The following SETD5 variants were observed in gnomAD, a reference collection of about 807,000 sequenced individuals.
The protein encoded by SETD5 is histone-lysine N-methyltransferase SETD5.
A neutral mutation model predicts 153.3 loss-of-function variants in SETD5; 44 were observed. The observed-to-expected ratio is 0.29, with a 90% CI of 0.23 to 0.37. The LOEUF (loss-of-function observed/expected upper bound fraction) is 0.37. SETD5 is among the 10% of genes least tolerant of loss of function. SETD5 has a pLI of 1.00. For missense variants in SETD5, 1,544 were observed against 1,768.0 expected (o/e 0.87, Z 2.27); for synonymous variants, 716 against 645.2 (o/e 1.11, Z -1.66).
rs563063486 is a variant in SETD5, at chr3:9,397,779, C to G, written c.-375C>G. 1 of 156,012 alleles carries G rather than the reference C, an allele frequency of 6.4e-6. No homozygotes were observed. Among genetic ancestry groups the G allele is most frequent in the African/African-American group, 2.4e-5 (1 of 41,140 alleles). 9.7% of individuals were successfully genotyped at this position (156,012 alleles called of 1,614,324 possible). A position where few individuals can be genotyped will look rare whatever the true frequency, so the allele number is the denominator to read the frequency against. On this transcript the variant is annotated 5_prime_UTR_variant, in exon 1 of 23. Coordinates refer to ENST00000402198, the MANE Select transcript of SETD5 (RefSeq NM_001080517.3). ...CGCCAACACAGTAGTGCCGGCCCCC[C>G]TCTTTCCCTGGCCCTGCCCCCCCTC...
chr3:9,434,558 C>A lies in SETD5; in HGVS notation c.329+73C>A. 1.3e-6 allele frequency: 2 copies of A among 1,595,350 alleles called. No homozygotes were observed. The highest frequency in any genetic ancestry group is 1.8e-5 in the Admixed American group (1 of 57,052). On this transcript the variant is annotated intron_variant, in intron 5 of 22. Coordinates refer to ENST00000402198, the MANE Select transcript of SETD5 (RefSeq NM_001080517.3). The surrounding 1 kb of genome is among the most constrained non-coding windows in gnomAD (Gnocchi z 5.6). The stretch of plus-strand genomic sequence containing the variant: ...GGTTTCTTACAAGTAGGGAAAAGCT[C>A]AAAGTATTCTTTCTTGTGTTTGTTA...
intron 1 of SETD5, among the ~76,000 whole-genome samples, chr3:9,400,256 T>C (rs912022566): frequency 6.6e-6 from 1 of 152,244 alleles, no homozygotes; most frequent in South Asian, 2.1e-4. Flanking sequence ...TTTTGGCAGA[T>C]TTTTGTTTTT....
chr3:9,452,496 T>C (rs563758241), intron 16 of SETD5, among the ~76,000 whole-genome samples: 8 of 152,282 alleles, frequency 5.3e-5, no homozygotes, highest in African/African-American at 1.9e-4. Flanking sequence ...TTGTGTTTGC[T>C]TTTCAGAGAC....
rs145793669 is a variant in SETD5 at position 9,451,566 on chromosome 3, A to G, written c.2347-2173A>G. Among the ~76,000 whole-genome samples, 283 of 152,016 alleles carry G rather than the reference A, an allele frequency of 1.9e-3. 5 individuals are homozygous for G. The highest frequency in any genetic ancestry group is 6.2e-3 in the African/African-American group (258 of 41,468). Reference sequence around the variant, plus strand: ...GGGCTCAAATGGTCCTCCTACCTCAACCTCTCGTGTAGCTGGGACCACAGG... The same window carrying G: ...GGGCTCAAATGGTCCTCCTACCTCAGCCTCTCGTGTAGCTGGGACCACAGG... On this transcript the variant is annotated intron_variant, in intron 16 of 22. Transcript: ENST00000402198.
At chr3:9,417,674 A>T (rs1355355807) in intron 1 of SETD5, among the ~76,000 whole-genome samples, 1 of 151,704 alleles carries the variant, frequency 6.6e-6, no homozygotes, top group Non-Finnish European at 1.5e-5. Flanking sequence ...TTTAGTAGAG[A>T]CGGGGTTTCA....
chr3:9,434,157 C>T lies in SETD5; in HGVS notation c.178-177C>T. 6.5e-7 allele frequency: 1 copy of T among 1,548,486 alleles called. No individual in the cohort carries two copies. Among genetic ancestry groups the T allele is most frequent in the Non-Finnish European group, 8.7e-7 (1 of 1,147,006 alleles). On this transcript the variant is annotated intron_variant, in intron 4 of 22. Transcript: ENST00000402198. The surrounding 1 kb of genome is among the most constrained non-coding windows in gnomAD (Gnocchi z 5.6). ...CCTTGGCATTTTGTTTTATCACTTT[C>T]CTGGTTGAAGCCAAAAAACAAAGGG...
intron 7 of SETD5, among the ~76,000 whole-genome samples, chr3:9,440,085 C>A (rs1327845128): frequency 6.6e-6 from 1 of 152,220 alleles, no homozygotes; most frequent in African/African-American, 2.4e-5. Context: ...GAGGTCTCTA[C>A]TGTTCATTTG....
chr3:9,467,199 C>CAAAAAA lies in SETD5; in HGVS notation c.2724+2547_2724+2552dup, dbSNP rs35894304. On this transcript the variant is annotated intron_variant, in intron 18 of 22. Coordinates refer to ENST00000402198, the MANE Select transcript of SETD5 (RefSeq NM_001080517.3). Reference sequence around the variant, plus strand: ...TGGGCAACAGAGGGAGACTCTCTCTCAAAAAAAAAAAAAAAAAAAAAAAAA... The same window carrying CAAAAAA: ...TGGGCAACAGAGGGAGACTCTCTCTCAAAAAAAAAAAAAAAAAAAAAAAAAAAAAAA... Among the ~76,000 whole-genome samples, 111 of 40,850 alleles carry CAAAAAA rather than the reference C, an allele frequency of 2.7e-3. 6 individuals carry two copies. Among genetic ancestry groups the CAAAAAA allele is most frequent in the Middle Eastern group, 0.023 (1 of 44 alleles). 26.8% of individuals were successfully genotyped at this position (40,850 alleles called of 152,430 possible).
chr3:9,434,400 C>T lies in SETD5; in HGVS notation c.244C>T (p.Pro82Ser), dbSNP rs779386091. 1.2e-6 allele frequency: 2 copies of T among 1,613,964 alleles called. No individual in the cohort carries two copies. Among genetic ancestry groups the T allele is most frequent in the Non-Finnish European group, 1.7e-6 (2 of 1,179,882 alleles). ...SPVEERCGDSPNSEGETVPTW... is the reference protein window; with the variant it reads ...SPVEERCGDSSNSEGETVPTW... Reference sequence around the variant, plus strand: ...TGTAGAGGAACGCTGTGGAGACAGCCCGAACTCTGAAGGAGAAACTGTACC... The same window carrying T: ...TGTAGAGGAACGCTGTGGAGACAGCTCGAACTCTGAAGGAGAAACTGTACC... Residue 82 changes from proline (P) to serine (S), a missense_variant, in exon 5 of 23, where the codon CCG (proline) becomes TCG (serine). Physicochemically the swap from Pro to Ser is moderately conservative, Grantham distance 74 (BLOSUM62 -1). Transcript: ENST00000402198. This position sits in a 1 kb window ranked among gnomAD's most constrained non-coding sequence, Gnocchi z 5.6.
intron 13 of SETD5, among the ~76,000 whole-genome samples, chr3:9,446,641 C>T (rs934380745): frequency 2.0e-5 from 3 of 151,920 alleles, no homozygotes; most frequent in Non-Finnish European, 4.4e-5. Flanking sequence ...TACAAGCATG[C>T]GCCACCATGC....
At position 9,434,199 on chromosome 3, in the gene SETD5, C is replaced by A. The variant is rs1354549902; in HGVS notation, c.178-135C>A. On this transcript the variant is annotated intron_variant, in intron 4 of 22. Coordinates refer to ENST00000402198, the MANE Select transcript of SETD5 (RefSeq NM_001080517.3). This position sits in a 1 kb window ranked among gnomAD's most constrained non-coding sequence, Gnocchi z 5.6. ...AACAAAGGGTACTACTTTCTTCTTTCTTTCCATATGTACCATACTTTAGGG... is the reference window on the plus strand; with the variant it reads ...AACAAAGGGTACTACTTTCTTCTTTATTTCCATATGTACCATACTTTAGGG... The A allele has an allele frequency of 6.5e-7, 1 of 1,549,956 alleles. No homozygotes were observed. Among genetic ancestry groups the A allele is most frequent in the Non-Finnish European group, 8.7e-7 (1 of 1,143,284 alleles).
intron 18 of SETD5, among the ~76,000 whole-genome samples, chr3:9,470,190 A>T (rs1219953579): frequency 6.6e-6 from 1 of 152,222 alleles, no homozygotes; most frequent in Non-Finnish European, 1.5e-5. Flanking sequence ...AAATAGTCAC[A>T]TTTAGCCAAT....
In SETD5 at chr3:9,434,563, T is replaced by G; in HGVS notation, c.329+78T>G. ...CTTACAAGTAGGGAAAAGCTCAAAGTATTCTTTCTTGTGTTTGTTAATGTA... is the reference window on the plus strand; with the variant it reads ...CTTACAAGTAGGGAAAAGCTCAAAGGATTCTTTCTTGTGTTTGTTAATGTA... On this transcript the variant is annotated intron_variant, in intron 5 of 22. Transcript: ENST00000402198. This position sits in a 1 kb window ranked among gnomAD's most constrained non-coding sequence, Gnocchi z 5.6. 7.6e-6 allele frequency: 12 copies of G among 1,587,438 alleles called. No homozygotes were observed. The highest frequency in any genetic ancestry group is 1.0e-5 in the Non-Finnish European group (12 of 1,166,440).
intron 17 of SETD5, among the ~76,000 whole-genome samples, chr3:9,463,389 A>C (rs1040059928): frequency 3.3e-5 from 5 of 152,210 alleles, no homozygotes; most frequent in African/African-American, 9.6e-5. Context: ...TTTTCCCTTC[A>C]TACCTAGTTC....
At chr3:9,452,247 A>G (rs1318092528) in intron 16 of SETD5, among the ~76,000 whole-genome samples, 2 of 152,228 alleles carry the variant, frequency 1.3e-5, no homozygotes, top group East Asian at 1.9e-4. Context: ...CAGATAGGAA[A>G]GCTTAGTGAC....
At position 9,433,901 on chromosome 3, in the gene SETD5, A is replaced by G. The variant is rs765631607; in HGVS notation, c.128A>G (p.His43Arg). The G allele has an allele frequency of 5.6e-6, 9 of 1,613,872 alleles. No homozygotes were observed. The East Asian group carries it at 1.1e-4, about 20-fold the overall frequency. The change falls in exon 4 of 23, where the codon CAT becomes CGT. Residue 43 changes from histidine to arginine, a missense_variant. Around this residue, in one of 9 missense-constraint regions of SETD5, gnomAD observed 251 missense variants for 326.9 expected, o/e 0.77. Coordinates refer to ENST00000402198, the MANE Select transcript of SETD5 (RefSeq NM_001080517.3). ...AATGAGAAGAGCGTGTATTCCACTC[A>G]TAATTATGGGACCACTCAGAGGCAT... ...AVNEKSVYST[H>R]NYGTTQRHGC...
intron 17 of SETD5, among the ~76,000 whole-genome samples, chr3:9,455,801 T>C (rs542105926): frequency 4.5e-4 from 68 of 152,260 alleles, no homozygotes; most frequent in Middle Eastern, 3.4e-3. Flanking sequence ...AGCAAAGGAT[T>C]ATAGGAAAAG....
intron 18 of SETD5, among the ~76,000 whole-genome samples, chr3:9,467,192 T>A (rs1428315468): frequency 2.9e-5 from 3 of 102,414 alleles, no homozygotes; most frequent in East Asian, 3.3e-4. Flanking sequence ...AGAGGGAGAC[T>A]CTCTCTCAAA....
chr3:9,429,323 T>A (rs185390213), intron 3 of SETD5: 5 of 201,492 alleles, frequency 2.5e-5, no homozygotes, highest in Admixed American at 5.6e-5. Context: ...CCTGCTTCTG[T>A]AGAGTTAATG....
Sources: gnomAD v4.1 joint callset for allele counts (sites outside exome capture counted in the v4.1 genomes callset) on GRCh38, gnomAD v4.1.1 for gene constraint, gnomAD v4.1.1 regional missense constraint, Gnocchi (gnomAD v3.1) non-coding constraint, MANE v1.5 for transcripts, NCBI Gene and HGNC (gene_info 2026-07-23, HGNC 2026-07-21) for gene names.